MANBA: variants seen among roughly 807,000 people sequenced by gnomAD.
MANBA encodes beta-mannosidase.
MANBA carries 83 observed loss-of-function variants against 111.1 expected under a neutral mutation model. The ratio of observed to expected loss-of-function variants is 0.75; its 90% CI spans 0.63 to 0.90. MANBA has a LOEUF of 0.90. Ranked by LOEUF, MANBA falls within the 40% of genes least tolerant of loss-of-function variation. The pLI is 0.00. For synonymous variants in MANBA, 370 were observed against 378.7 expected, an observed-to-expected ratio of 0.98 and a Z score of 0.27; for missense variants, 1,036 against 1,069.0, an observed-to-expected ratio of 0.97 and a Z score of 0.43.
intron 5 of MANBA, among the ~76,000 whole-genome samples, chr4:102,706,876 C>T (rs1032230400): frequency 9.2e-5 from 14 of 151,812 alleles, no homozygotes; most frequent in African/African-American, 2.7e-4. Flanking sequence ...ACCAGTCAAA[C>T]AAAACTTTTT....
chr4:102,741,051 C>T (rs771566495), intron 1 of MANBA, among the ~76,000 whole-genome samples: 16 of 151,894 alleles, frequency 1.1e-4, no homozygotes, highest in Non-Finnish European at 1.6e-4. Flanking sequence ...ACTATGCAGC[C>T]GACAAAGGAC....
chr4:102,705,155 G>T (rs1224853527), intron 5 of MANBA, among the ~76,000 whole-genome samples: 3 of 152,284 alleles, frequency 2.0e-5, no homozygotes, highest in Admixed American at 6.5e-5. Context: ...GCCTGGAGAG[G>T]CTCCCCAATG....
chr4:102,760,368 C>G (rs989599746), intron 1 of MANBA, among the ~76,000 whole-genome samples: 4 of 152,178 alleles, frequency 2.6e-5, no homozygotes, highest in Non-Finnish European at 5.9e-5. Context: ...ACAGTAGAGA[C>G]AGTAATTCCC....
intron 5 of MANBA, among the ~76,000 whole-genome samples, chr4:102,713,474 CA>C (rs1286718731): frequency 5.3e-5 from 8 of 152,196 alleles, no homozygotes; most frequent in Admixed American, 5.2e-4. Flanking sequence ...CAGCGCTGAG[CA>C]AAGAAAGCAA....
At chr4:102,670,256 T>G (rs1405228165) in intron 9 of MANBA, among the ~76,000 whole-genome samples, 1 of 151,748 alleles carries the variant, frequency 6.6e-6, no homozygotes, top group Non-Finnish European at 1.5e-5. Flanking sequence ...GGATAAAATA[T>G]ATAACCTCTT....
At chr4:102,688,142 T>C (rs1423176418) in intron 7 of MANBA, among the ~76,000 whole-genome samples, 2 of 152,168 alleles carry the variant, frequency 1.3e-5, no homozygotes, top group African/African-American at 4.8e-5. Context: ...ATTTTTTACA[T>C]TTTCATGAAA....
At chr4:102,633,472 C>G (rs547008937) in intron 16 of MANBA, 1 of 398,616 alleles carries the variant, frequency 2.5e-6, no homozygotes, top group Non-Finnish European at 4.4e-6. Context: ...CAAGCTTGCA[C>G]CCTGGCTTCA....
intron 11 of MANBA, among the ~76,000 whole-genome samples, chr4:102,661,137 C>T (rs1730929169): frequency 6.6e-6 from 1 of 152,110 alleles, no homozygotes; most frequent in South Asian, 2.1e-4. Flanking sequence ...CATCTTTTTA[C>T]CTTTATTTAC....
chr4:102,661,377 G>A (rs1730946129), intron 11 of MANBA, among the ~76,000 whole-genome samples: 1 of 152,130 alleles, frequency 6.6e-6, no homozygotes, highest in Non-Finnish European at 1.5e-5. Context: ...TTTGACAGCA[G>A]AGTGTAAGCT....
chr4:102,714,942 A>T (rs1347718644), intron 4 of MANBA, among the ~76,000 whole-genome samples: 1 of 152,164 alleles, frequency 6.6e-6, no homozygotes, highest in East Asian at 1.9e-4. Flanking sequence ...CACCCCTTAA[A>T]GACCTTCTCC....
At chr4:102,660,782 T>C (rs113594458) in intron 11 of MANBA, among the ~76,000 whole-genome samples, 1 of 148,516 alleles carries the variant, frequency 6.7e-6, no homozygotes, top group African/African-American at 2.4e-5. Flanking sequence ...TATATAATAA[T>C]ATTAATATAA....
intron 16 of MANBA, among the ~76,000 whole-genome samples, chr4:102,632,495 AAGG>A (rs1373537961): frequency 6.6e-6 from 1 of 152,260 alleles, no homozygotes; most frequent in Non-Finnish European, 1.5e-5. Context: ...ATCACAAATC[AAGG>A]AAATACATCG....
At chr4:102,652,739 T>G (rs568106778) in intron 12 of MANBA, among the ~76,000 whole-genome samples, 5 of 151,252 alleles carry the variant, frequency 3.3e-5, no homozygotes, top group Admixed American at 3.3e-4. Flanking sequence ...AAAAGAAAAA[T>G]AAAAAATCAG....
At chr4:102,731,055 G>T (rs774189614) in intron 1 of MANBA, among the ~76,000 whole-genome samples, 1 of 152,158 alleles carries the variant, frequency 6.6e-6, no homozygotes, top group Non-Finnish European at 1.5e-5. Flanking sequence ...GCCCAAGGGG[G>T]AGTAGCACAG....
chr4:102,636,091 A>C, intron 14 of MANBA, 84 bp from the exon 15 acceptor site: 34 of 1,304,740 alleles, frequency 2.6e-5, no homozygotes, highest in East Asian at 4.7e-5. Context: ...TTTGTGGCTC[A>C]TCGGGGTTCT....
At chr4:102,653,191 T>A (rs1445403853) in intron 12 of MANBA, among the ~76,000 whole-genome samples, 1 of 149,568 alleles carries the variant, frequency 6.7e-6, no homozygotes, top group Non-Finnish European at 1.5e-5. Context: ...TCTTTACTCA[T>A]AAACACACGC....
chr4:102,729,987 C>T (rs1722968596), intron 1 of MANBA: 5 of 894,678 alleles, frequency 5.6e-6, no homozygotes, highest in African/African-American at 3.3e-5. Flanking sequence ...GGTGGTGATG[C>T]CACCCACGCT....
chr4:102,729,499 T>C (rs1295582771), intron 1 of MANBA: 5 of 976,656 alleles, frequency 5.1e-6, no homozygotes, highest in Non-Finnish European at 8.2e-6. Flanking sequence ...ATACAGCTGC[T>C]TGAGGAAATT....
At position 102,636,112 on chromosome 4, in the gene MANBA, G is replaced by A. The variant is rs1051969670; in HGVS notation, c.2015-105C>T. Reference sequence around the variant, plus strand: ...GCTCATCGGGGTTCTAAGGGAGTGAGCATGTGAGGGAGAGTCAACAGTGGA... The same window carrying A: ...GCTCATCGGGGTTCTAAGGGAGTGAACATGTGAGGGAGAGTCAACAGTGGA... On this transcript the variant is annotated intron_variant, in intron 14 of 16. Coordinates refer to ENST00000647097, the MANE Select transcript of MANBA (RefSeq NM_005908.4). The A allele has an allele frequency of 8.5e-5, 84 of 990,320 alleles. No individual in the cohort carries two copies. In the African/African-American group the frequency reaches 9.1e-4, roughly 11 times the overall value. The allele number at this position is 990,320 out of a possible 1,614,324, so 61.3% of individuals were successfully genotyped here.
Sources: gnomAD v4.1 joint callset for allele counts (sites outside exome capture counted in the v4.1 genomes callset) on GRCh38, gnomAD v4.1.1 for gene constraint, MANE v1.5 for transcripts, NCBI Gene and HGNC (gene_info 2026-07-23, HGNC 2026-07-21) for gene names.